Variants in DNAJC11 observed in about 807,000 individuals in gnomAD.
The protein encoded by DNAJC11 is DnaJ heat shock protein family (Hsp40) member C11, also known as dnaJ homolog subfamily C member 11.
DNAJC11 carries 15 observed loss-of-function variants against 78.6 expected under a neutral mutation model. That is an observed-to-expected ratio of 0.19 (90% CI 0.13 to 0.29). The LOEUF (loss-of-function observed/expected upper bound fraction) is 0.29, where lower values mean the gene tolerates loss of function less well. Ranked by LOEUF, DNAJC11 falls within the 10% of genes least tolerant of loss-of-function variation. The pLI is 1.00. For missense variants in DNAJC11, 547 were observed against 709.6 expected, an observed-to-expected ratio of 0.77 and a Z score of 2.60; for synonymous variants, 292 against 272.1, an observed-to-expected ratio of 1.07 and a Z score of -0.72.
intron 3 of DNAJC11, among the ~76,000 whole-genome samples, chr1:6,676,207 G>T (rs1294627017): frequency 6.6e-6 from 1 of 152,216 alleles, no homozygotes; most frequent in African/African-American, 2.4e-5. Flanking sequence ...ACGCAAGGGG[G>T]AGTGGTGGGG....
intron 1 of DNAJC11, among the ~76,000 whole-genome samples, chr1:6,684,841 CT>C (rs1291589482): frequency 6.6e-6 from 1 of 152,124 alleles, no homozygotes; most frequent in Non-Finnish European, 1.5e-5. Context: ...AGTCTATAAT[CT>C]TTCATCATCT....
chr1:6,649,439 G>T (rs1335386888), intron 7 of DNAJC11, among the ~76,000 whole-genome samples: 1 of 152,152 alleles, frequency 6.6e-6, no homozygotes, highest in African/African-American at 2.4e-5. Context: ...AAAGTGCTGG[G>T]ATTAGAGGCA....
intron 1 of DNAJC11, among the ~76,000 whole-genome samples, chr1:6,690,796 C>T (rs960638489): frequency 8.5e-5 from 13 of 152,144 alleles, no homozygotes; most frequent in South Asian, 2.1e-4. Context: ...TGGTGGCGGG[C>T]GCCTGTAGTC....
intron 7 of DNAJC11, 26 bp from the exon 8 acceptor site, chr1:6,646,004 G>C (rs1322878954): frequency 1.2e-6 from 2 of 1,610,010 alleles, no homozygotes; most frequent in African/African-American, 1.3e-5. Context: ...GACAGAATAG[G>C]TCCTGGATAG....
chr1:6,675,973 C>T (rs376695039), intron 3 of DNAJC11, among the ~76,000 whole-genome samples: 1 of 152,080 alleles, frequency 6.6e-6, no homozygotes, highest in African/African-American at 2.4e-5. Flanking sequence ...CTTAAAAAAA[C>T]AAAGAAGCTT....
chr1:6,664,189 G>C (rs2039363), intron 4 of DNAJC11, among the ~76,000 whole-genome samples: 1 of 151,838 alleles, frequency 6.6e-6, no homozygotes, highest in East Asian at 1.9e-4. Flanking sequence ...AAACAGCACC[G>C]GGCCTGGCCC....
At chr1:6,700,321 G>A (rs1045807893) in intron 1 of DNAJC11, among the ~76,000 whole-genome samples, 3 of 152,058 alleles carry the variant, frequency 2.0e-5, no homozygotes, top group South Asian at 4.1e-4. Context: ...CTCTCTTTTC[G>A]GACTCAGCCC....
rs901797729 is a variant in DNAJC11 at position 6,636,334 on chromosome 1, A to G, written c.1525-88T>C. 8 of 1,527,290 alleles carry G rather than the reference A, an allele frequency of 5.2e-6. No individual in the cohort carries two copies. The African/African-American group carries it at 8.3e-5, about 16-fold the overall frequency. 94.6% of individuals were successfully genotyped at this position (1,527,290 alleles called of 1,614,324 possible). On this transcript the variant is annotated intron_variant, in intron 14 of 15. Transcript: ENST00000377577. The stretch of plus-strand genomic sequence containing the variant: ...CTACCACCGGAGGGGCAGTGTGCAC[A>G]GGCTCTGACATTCCCTGGGGAGATG...
At chr1:6,648,551 G>T (rs1045105709) in intron 7 of DNAJC11, among the ~76,000 whole-genome samples, 1 of 152,046 alleles carries the variant, frequency 6.6e-6, no homozygotes, top group Non-Finnish European at 1.5e-5. Context: ...CGACCTCCTG[G>T]CCTCAAGCGA....
At position 6,653,685 on chromosome 1, in the gene DNAJC11, C is replaced by T. The variant is rs535491997; in HGVS notation, c.507+226G>A. 18 of 456,186 alleles carry T rather than the reference C, an allele frequency of 3.9e-5. No individual in the cohort carries two copies. The highest frequency in any genetic ancestry group is 5.8e-5 in the Non-Finnish European group (15 of 258,690). The allele number at this position is 456,186 out of a possible 1,614,324, so 28.3% of individuals were successfully genotyped here. On this transcript the variant is annotated intron_variant, in intron 5 of 15. Transcript: ENST00000377577. The surrounding 1 kb of genome is among the most constrained non-coding windows in gnomAD (Gnocchi z 4.5). ...ACCCTCTGCTGGAAAGGCCCAAGAC[C>T]TTGGGAGCCAAGTGCCCCAGCCCAC...
Position 6,653,531 on chromosome 1 carries a change from C to CTA in DNAJC11, c.507+378_507+379dup, listed in dbSNP as rs1642085981. 6.6e-6 allele frequency among the ~76,000 whole-genome samples: 1 copy of CTA among 152,214 alleles called. No individual in the cohort carries two copies. The highest frequency in any genetic ancestry group is 2.4e-5 in the African/African-American group (1 of 41,460). ...TGCCCAGGGCTCAGGATGAGAGCTG[C>CTA]TATAGCCTTGCGGCACCTAGCAGAA... On this transcript the variant is annotated intron_variant, in intron 5 of 15. Transcript: ENST00000377577. The surrounding 1 kb of genome is among the most constrained non-coding windows in gnomAD (Gnocchi z 4.5).
At chr1:6,676,912 G>C (rs1175154758) in intron 3 of DNAJC11, among the ~76,000 whole-genome samples, 2 of 152,042 alleles carry the variant, frequency 1.3e-5, no homozygotes, top group Non-Finnish European at 2.9e-5. Flanking sequence ...GGTGGCTCAT[G>C]CCTGTAATCC....
chr1:6,692,728 A>C (rs1642765110), intron 1 of DNAJC11, among the ~76,000 whole-genome samples: 1 of 149,230 alleles, frequency 6.7e-6, no homozygotes, highest in African/African-American at 2.5e-5. Context: ...CTCCTGCCTC[A>C]GCCTCCCATG....
At chr1:6,648,836 G>A (rs762036038) in intron 7 of DNAJC11, among the ~76,000 whole-genome samples, 5 of 152,170 alleles carry the variant, frequency 3.3e-5, no homozygotes, top group Non-Finnish European at 7.3e-5. Flanking sequence ...GTATACAGAT[G>A]CTGTTTCCCT....
chr1:6,643,115 C>T (rs889828463), intron 10 of DNAJC11, among the ~76,000 whole-genome samples: 1 of 151,798 alleles, frequency 6.6e-6, no homozygotes, highest in Admixed American at 6.6e-5. Context: ...GGTGCAGAGA[C>T]CAAATGAGAT....
chr1:6,641,514 A>G (rs1352744693), intron 10 of DNAJC11, among the ~76,000 whole-genome samples: 6 of 151,740 alleles, frequency 4.0e-5, no homozygotes, highest in South Asian at 2.1e-4. Flanking sequence ...ATAGTAACAG[A>G]TAAGGTAGAC....
At chr1:6,636,740 C>T (rs1448678313) in intron 14 of DNAJC11, among the ~76,000 whole-genome samples, 1 of 152,218 alleles carries the variant, frequency 6.6e-6, no homozygotes, top group East Asian at 1.9e-4. Flanking sequence ...AACGTGGGTA[C>T]TACTCAGGAG....
chr1:6,650,560 C>T (rs914900459), intron 7 of DNAJC11, among the ~76,000 whole-genome samples: 4 of 152,022 alleles, frequency 2.6e-5, no homozygotes, highest in Non-Finnish European at 4.4e-5. Context: ...AACAAAACCT[C>T]GTCTCTAACA....
Position 6,667,742 on chromosome 1 carries a change from TTCTC to T in DNAJC11, c.341_344del (p.Arg114LysfsTer19), listed in dbSNP as rs374290353. On this transcript the variant is annotated frameshift_variant, in exon 4 of 16. Coordinates refer to ENST00000377577, the MANE Select transcript of DNAJC11 (RefSeq NM_018198.4). LOFTEE classifies it high-confidence loss of function. ...TGGTTCGCTGCTGCAATCTCCTCTC[TTCTC>T]TCTCTCTCTGCAGCCGCTCAAACTC... The T allele has an allele frequency of 6.3e-7, 1 of 1,584,314 alleles. No individual in the cohort carries two copies. Among genetic ancestry groups the T allele is most frequent in the Non-Finnish European group, 8.6e-7 (1 of 1,158,424 alleles).
Sources: gnomAD v4.1 joint callset for allele counts (sites outside exome capture counted in the v4.1 genomes callset) on GRCh38, gnomAD v4.1.1 for gene constraint, Gnocchi (gnomAD v3.1) non-coding constraint, MANE v1.5 for transcripts, NCBI Gene and HGNC (gene_info 2026-07-23, HGNC 2026-07-21) for gene names.